The following CCDC34 variants were observed in gnomAD, a reference collection of about 807,000 sequenced individuals.
CCDC34 encodes coiled-coil domain containing 34.
A neutral mutation model predicts 44.1 loss-of-function variants in CCDC34; 40 were observed. The observed-to-expected ratio is 0.91, with a 90% CI of 0.70 to 1.18. The LOEUF (loss-of-function observed/expected upper bound fraction) is 1.18. Ranked by LOEUF, CCDC34 falls within the 50% of genes most tolerant of loss-of-function variation. The pLI is 0.00. For missense variants in CCDC34, 466 were observed against 452.3 expected, an observed-to-expected ratio of 1.03 and a Z score of -0.28; for synonymous variants, 159 against 158.2, an observed-to-expected ratio of 1.01 and a Z score of -0.04.
chr11:27,361,856 T>C (rs1360618504), intron 1 of CCDC34, among the ~76,000 whole-genome samples: 1 of 152,158 alleles, frequency 6.6e-6, no homozygotes, highest in Non-Finnish European at 1.5e-5. Context: ...AATCATAAAC[T>C]TGTAAATGAT....
At chr11:27,362,804 G>A (rs1191031207) in intron 1 of CCDC34, 32 bp downstream of exon 1, 2 of 1,601,290 alleles carry the variant, frequency 1.2e-6, no homozygotes, top group Non-Finnish European at 1.7e-6. Flanking sequence ...ATCTTGAAAA[G>A]GGCTGAATCG....
intron 2 of CCDC34, among the ~76,000 whole-genome samples, chr11:27,353,719 T>C (rs1242129052): frequency 1.3e-5 from 2 of 152,186 alleles, no homozygotes; most frequent in East Asian, 3.8e-4. Context: ...ATCTTTTTAA[T>C]GATTAAATTA....
chr11:27,360,317 G>C (rs1694924685), intron 1 of CCDC34, among the ~76,000 whole-genome samples: 1 of 152,180 alleles, frequency 6.6e-6, no homozygotes, highest in South Asian at 2.1e-4. Context: ...AGCTAACTTT[G>C]AGCTTAATCT....
chr11:27,339,217 C>T (rs1450108463), intron 5 of CCDC34, among the ~76,000 whole-genome samples, 182 bp from the exon 6 acceptor site: 1 of 152,100 alleles, frequency 6.6e-6, no homozygotes, highest in Non-Finnish European at 1.5e-5. Context: ...TTTCCAAATA[C>T]AGTAAATATT....
At chr11:27,348,803 G>GAA (rs34797091) in intron 3 of CCDC34, 890 of 760,458 alleles carry the variant, frequency 1.2e-3, no homozygotes, top group Middle Eastern at 2.0e-3. Flanking sequence ...AGGTCTTAAA[G>GAA]AAAAAAAAAA....
rs1862597628 is a variant in CCDC34, at chr11:27,357,554, G to A, written c.360-13C>T. On this transcript the variant is annotated splice_polypyrimidine_tract_variant and intron_variant, in intron 1 of 5. Coordinates refer to ENST00000328697, the MANE Select transcript of CCDC34 (RefSeq NM_030771.2). ...TTCAACCTGAGTGCTACAAAAGAGA[G>A]GCTACTATAGTACTTGTACAAGAAC... is the stretch of plus-strand genomic sequence containing the variant. 1 of 1,611,880 alleles carries A rather than the reference G, an allele frequency of 6.2e-7. No homozygotes were observed.
At chr11:27,348,456 G>A (rs1428348328) in intron 3 of CCDC34, among the ~76,000 whole-genome samples, 4 of 152,034 alleles carry the variant, frequency 2.6e-5, no homozygotes, top group Admixed American at 6.6e-5. Flanking sequence ...AAATTACCAC[G>A]GCAACACAAA....
At chr11:27,345,865 A>G (rs984754868) in intron 3 of CCDC34, among the ~76,000 whole-genome samples, 2 of 152,124 alleles carry the variant, frequency 1.3e-5, no homozygotes, top group African/African-American at 4.8e-5. Context: ...TGCCACACTG[A>G]CTTCCACAAT....
chr11:27,360,842 A>T (rs1323562626), intron 1 of CCDC34, among the ~76,000 whole-genome samples: 2 of 152,252 alleles, frequency 1.3e-5, no homozygotes, highest in African/African-American at 4.8e-5. Context: ...GAGATTAGCA[A>T]TGTCAACCTC....
At chr11:27,348,602 A>C (rs1270522919) in intron 3 of CCDC34, among the ~76,000 whole-genome samples, 1 of 152,170 alleles carries the variant, frequency 6.6e-6, no homozygotes, top group Non-Finnish European at 1.5e-5. Flanking sequence ...CACAGTGAAT[A>C]TGACTTAGAG....
chr11:27,339,276 T>TA (rs1862320973), intron 5 of CCDC34, among the ~76,000 whole-genome samples: 1 of 152,174 alleles, frequency 6.6e-6, no homozygotes, highest in African/African-American at 2.4e-5. Flanking sequence ...CAAATAACAT[T>TA]AGTGTTAAAA....
intron 2 of CCDC34, among the ~76,000 whole-genome samples, chr11:27,351,700 G>GTGC (rs1360026832): frequency 6.6e-6 from 1 of 152,146 alleles, no homozygotes; most frequent in Non-Finnish European, 1.5e-5. Context: ...AAAGAAATAA[G>GTGC]TGCTACATTG....
intron 1 of CCDC34, among the ~76,000 whole-genome samples, chr11:27,358,526 GCTA>G: frequency 6.6e-6 from 1 of 152,076 alleles, no homozygotes; most frequent in East Asian, 1.9e-4. Flanking sequence ...ATTATTTTCT[GCTA>G]CTATTATTTC....
At chr11:27,353,836 T>A (rs76967457) in intron 2 of CCDC34, among the ~76,000 whole-genome samples, 2,972 of 152,270 alleles carry the variant, frequency 0.02, 98 homozygotes, top group African/African-American at 0.067. Flanking sequence ...TACATCTTGA[T>A]ATTGTGGGAA....
intron 1 of CCDC34, among the ~76,000 whole-genome samples, chr11:27,361,447 T>A (rs1862663026): frequency 6.6e-6 from 1 of 152,184 alleles, no homozygotes; most frequent in African/African-American, 2.4e-5. Context: ...CAAATTTACT[T>A]TAAATACCTT....
At position 27,338,752 on chromosome 11, in the gene CCDC34, C is replaced by G; in HGVS notation, c.*69G>C. 7.9e-7 allele frequency: 1 copy of G among 1,259,482 alleles called. No individual in the cohort carries two copies. Among genetic ancestry groups the G allele is most frequent in the Non-Finnish European group, 1.1e-6 (1 of 874,298 alleles). 78.0% of individuals were successfully genotyped at this position (1,259,482 alleles called of 1,614,324 possible). A position where few individuals can be genotyped will look rare whatever the true frequency, so the allele number is the denominator to read the frequency against. On this transcript the variant is annotated 3_prime_UTR_variant, in exon 6 of 6. Coordinates refer to ENST00000328697, the MANE Select transcript of CCDC34 (RefSeq NM_030771.2). ...ATTAAGTGTTGAGTTATTGACTGAG[C>G]AGTAAAAAACAATTTCTGATTTTTA...
rs1329286264 is a variant in CCDC34, at chr11:27,340,952, A to G, written c.766-115T>C. On this transcript the variant is annotated intron_variant, in intron 4 of 5. Transcript: ENST00000328697. ...TTCCTACCCCAATGGCTTACTGGCC[A>G]TAATACTGAATCATATTTTTATAAT... 6.1e-5 allele frequency: 49 copies of G among 800,346 alleles called. No homozygotes were observed. The East Asian group carries it at 1.1e-3, about 19-fold the overall frequency. 49.6% of individuals were successfully genotyped at this position (800,346 alleles called of 1,614,324 possible). A position where few individuals can be genotyped will look rare whatever the true frequency, so the allele number is the denominator to read the frequency against.
At position 27,350,382 on chromosome 11, in the gene CCDC34, T is replaced by C. The variant is rs374290862; in HGVS notation, c.556A>G (p.Ile186Val). ...KEMEEREKRKIIAEEKHKEWV... is the reference protein window; with the variant it reads ...KEMEEREKRKVIAEEKHKEWV... Reference sequence around the variant, plus strand: ...TCCTTGTGCTTTTCTTCAGCAATTATCTTTCTTTTTTCACGTTCTTCCATT... The same window carrying C: ...TCCTTGTGCTTTTCTTCAGCAATTACCTTTCTTTTTTCACGTTCTTCCATT... Residue 186 changes from isoleucine to valine, a missense_variant, in exon 3 of 6, where the codon ATA (isoleucine) becomes GTA (valine). Coordinates refer to ENST00000328697, the MANE Select transcript of CCDC34 (RefSeq NM_030771.2). 4.1e-5 allele frequency: 66 copies of C among 1,613,318 alleles called. No homozygotes were observed. The highest frequency in any genetic ancestry group is 5.4e-5 in the Non-Finnish European group (64 of 1,179,720).
At chr11:27,354,027 C>T (rs572799439) in intron 2 of CCDC34, among the ~76,000 whole-genome samples, 1 of 152,024 alleles carries the variant, frequency 6.6e-6, no homozygotes, top group African/African-American at 2.4e-5. Context: ...ACAGTAAATA[C>T]AGAAAAATAA....
Sources: allele counts gnomAD v4.1 joint callset (sites outside exome capture counted in the v4.1 genomes callset), GRCh38; gene constraint gnomAD v4.1.1; transcripts MANE v1.5; gene names NCBI Gene and HGNC (gene_info 2026-07-23, HGNC 2026-07-21).